The following ZNF219 variants were observed in gnomAD, a reference collection of about 807,000 sequenced individuals.
The protein encoded by ZNF219 is zinc finger protein 219.
Under a neutral mutation model 54.4 loss-of-function variants are expected in ZNF219, and 17 were observed. The observed-to-expected ratio is 0.31, with a 90% CI of 0.21 to 0.47. ZNF219 has a LOEUF of 0.47. Among genes scored for constraint, ZNF219 ranks in the 20% least tolerant of loss-of-function variants. ZNF219 has a pLI of 1.00. For missense variants in ZNF219, 1,014 were observed against 1,062.3 expected, an observed-to-expected ratio of 0.95 and a Z score of 0.63; for synonymous variants, 518 against 476.4, an observed-to-expected ratio of 1.09 and a Z score of -1.14.
upstream of ZNF219, among the ~76,000 whole-genome samples, chr14:21,099,444 ACAG>A: frequency 6.6e-6 from 1 of 152,312 alleles, no homozygotes; most frequent in South Asian, 2.1e-4. Flanking sequence ...GAGTAGACAC[ACAG>A]CAGTTTTCTG....
chr14:21,092,627 CGGA>C lies in ZNF219; in HGVS notation c.667_669del (p.Ser223del), dbSNP rs1889011106. The C allele has an allele frequency of 6.4e-7, 1 of 1,556,846 alleles. No homozygotes were observed. Among genetic ancestry groups the C allele is most frequent in the African/African-American group, 1.3e-5 (1 of 74,206 alleles). ...GGCTGAGGCTGAGGCGGAGGCGCAG[CGGA>C]GGTGGCCGCCAGGGGACGCTCGGGA... is the stretch of plus-strand genomic sequence containing the variant. On this transcript the variant is annotated inframe_deletion, in exon 3 of 5. Coordinates refer to ENST00000360947, the MANE Select transcript of ZNF219 (RefSeq NM_016423.3).
intron 3 of ZNF219, 23 bp downstream of exon 3, chr14:21,091,842 G>A (rs771838129): frequency 2.0e-6 from 3 of 1,494,968 alleles, no homozygotes; most frequent in East Asian, 2.4e-5. Context: ...GGCGTACCCG[G>A]AGAGCGGAGG....
chr14:21,103,302 C>G (rs755001481), upstream of ZNF219: 117 of 1,533,780 alleles, frequency 7.6e-5, no homozygotes, highest in Non-Finnish European at 9.5e-5. Flanking sequence ...CCACCAAACT[C>G]AGAAGCTTGC....
In ZNF219 at chr14:21,091,973, G is replaced by A. The variant is rs887716316; in HGVS notation, c.1324C>T (p.Arg442Trp). The change falls in exon 3 of 5, where the codon CGG (arginine) becomes TGG (tryptophan). Residue 442 changes from arginine (R) to tryptophan (W), a missense_variant. Physicochemically the swap from Arg to Trp is moderately radical, Grantham distance 101. Coordinates refer to ENST00000360947, the MANE Select transcript of ZNF219 (RefSeq NM_016423.3). ...GCCAGAGAGCCCAGCGACCTGCCCC[G>A]GGCCCAGGTTTCCTCCTCGGCCTCC... ...VVEAEEETWA[R>W]GRSLGSLASL... The A allele has an allele frequency of 8.3e-6, 13 of 1,575,056 alleles. No homozygotes were observed. Among genetic ancestry groups the A allele is most frequent in the Non-Finnish European group, 1.1e-5 (13 of 1,160,782 alleles).
In ZNF219 at chr14:21,094,907, CT is replaced by C. The variant is rs59112788; in HGVS notation, c.-83-1234del. On this transcript the variant is annotated intron_variant, in intron 1 of 4. Coordinates refer to ENST00000360947, the MANE Select transcript of ZNF219 (RefSeq NM_016423.3). ...AAGGCTAAATGAATGTGGGTCTAACCTTTTTTTTTTTTTTTTTTTGTCTAAG... is the reference window on the plus strand; with the variant it reads ...AAGGCTAAATGAATGTGGGTCTAACCTTTTTTTTTTTTTTTTTTGTCTAAG... 4.7e-3 allele frequency among the ~76,000 whole-genome samples: 585 copies of C among 125,094 alleles called. 4 individuals carry two copies. Among genetic ancestry groups the C allele is most frequent in the African/African-American group, 0.015 (501 of 33,342 alleles). The allele number at this position is 125,094 out of a possible 152,430, so 82.1% of individuals were successfully genotyped here.
chr14:21,092,270 C>T lies in ZNF219; in HGVS notation c.1027G>A (p.Ala343Thr), dbSNP rs138145521. Residue 343 changes from alanine to threonine, a missense_variant, in exon 3 of 5, where the codon GCC becomes ACC. Around this residue, in one of 5 missense-constraint regions of ZNF219, gnomAD observed 272 missense variants for 248.9 expected, o/e 1.09. Transcript: ENST00000360947. ...AGGCCGAGGTCAGGAGGCTGGGGGG[C>T]GCGGGCAGGCCCGGAGGCAGGCCCC... Reference protein sequence around the residue: ...APGPASGPARAPQPPDLGLLA... With the variant: ...APGPASGPARTPQPPDLGLLA... 4.0e-4 allele frequency: 586 copies of T among 1,482,118 alleles called. 8 individuals are homozygous for T. The East Asian group carries it at 0.014, about 36-fold the overall frequency. The allele number at this position is 1,482,118 out of a possible 1,614,324, so 91.8% of individuals were successfully genotyped here. A position where few individuals can be genotyped will look rare whatever the true frequency, so the allele number is the denominator to read the frequency against.
intron 1 of ZNF219, chr14:21,094,310 G>A: frequency 2.2e-6 from 1 of 451,512 alleles, no homozygotes; most frequent in South Asian, 1.6e-5. Context: ...CAGAGGGAGA[G>A]GGAATGAAGA....
In ZNF219 at chr14:21,090,495, G is replaced by T. The variant is rs759061137; in HGVS notation, c.*41C>A. ...ACTACCTCTAGCGCTCCCCCGCTCC[G>T]GCGGGGTAAGCTCACTAAGCTAATC... On this transcript the variant is annotated 3_prime_UTR_variant, in exon 5 of 5. Transcript: ENST00000360947. This position sits in a 1 kb window ranked among gnomAD's most constrained non-coding sequence, Gnocchi z 4.4. 11 of 1,541,964 alleles carry T rather than the reference G, an allele frequency of 7.1e-6. No individual in the cohort carries two copies. The highest frequency in any genetic ancestry group is 7.9e-6 in the Non-Finnish European group (9 of 1,142,294).
chr14:21,091,021 G>T lies in ZNF219; in HGVS notation c.1684C>A (p.Pro562Thr). The T allele has an allele frequency of 6.4e-7, 1 of 1,552,900 alleles. No individual in the cohort carries two copies. The highest frequency in any genetic ancestry group is 2.4e-5 in the East Asian group (1 of 41,964). Residue 562 changes from proline (P) to threonine (T), a missense_variant, in exon 5 of 5, where the codon CCG becomes ACG. Pro to Thr is a conservative substitution (Grantham distance 38). Around this residue, in one of 5 missense-constraint regions of ZNF219, gnomAD observed 281 missense variants for 271.2 expected, o/e 1.04. Transcript: ENST00000360947. ...CGCTGGGAAGGAGGCGGTGGCTCCG[G>T]GGGTGGCCCGGGGCCGGCCCCGCTC... ...QRSGAGPGPP[P>T]EPPPPSQRGS...
Position 21,092,183 on chromosome 14 carries a change from G to A in ZNF219, c.1114C>T (p.Arg372Cys), listed in dbSNP as rs1362952852. Reference sequence around the variant, plus strand: ...CCCAAGAGGCTCGGGGGCTCACGGCGCTCGGCCGGGGTGGGAGCCGGGGCC... The same window carrying A: ...CCCAAGAGGCTCGGGGGCTCACGGCACTCGGCCGGGGTGGGAGCCGGGGCC... ...LLAPAPTPAERREPPSLLGYL... is the reference protein window; with the variant it reads ...LLAPAPTPAECREPPSLLGYL... The change falls in exon 3 of 5, where the codon CGC (arginine) becomes TGC (cysteine). Residue 372 changes from arginine (R) to cysteine (C), a missense_variant. Physicochemically the swap from Arg to Cys is radical, Grantham distance 180. Transcript: ENST00000360947. 2.1e-6 allele frequency: 3 copies of A among 1,440,000 alleles called. No homozygotes were observed. The highest frequency in any genetic ancestry group is 2.6e-5 in the East Asian group (1 of 38,232). 89.2% of individuals were successfully genotyped at this position (1,440,000 alleles called of 1,614,324 possible). A position where few individuals can be genotyped will look rare whatever the true frequency, so the allele number is the denominator to read the frequency against.
In ZNF219 at chr14:21,092,760, T is replaced by C; in HGVS notation, c.537A>G (p.Glu179=). The C allele has an allele frequency of 1.9e-6, 3 of 1,581,744 alleles. No individual in the cohort carries two copies. The highest frequency in any genetic ancestry group is 2.6e-6 in the Non-Finnish European group (3 of 1,163,660). ...GCCTATGCAGGATGTGCAGGTGGCGTTCGCGCTCCGCCGAGGTGCGAAACT... is the reference window on the plus strand; with the variant it reads ...GCCTATGCAGGATGTGCAGGTGGCGCTCGCGCTCCGCCGAGGTGCGAAACT... ...KGKFRTSAER[E]RHLHILHRPW... The change falls in exon 3 of 5, where the codon GAA becomes GAG. Residue 179 remains glutamate, a synonymous_variant. Coordinates refer to ENST00000360947, the MANE Select transcript of ZNF219 (RefSeq NM_016423.3).
In ZNF219 at chr14:21,092,860, G is replaced by T; in HGVS notation, c.437C>A (p.Thr146Asn). Residue 146 changes from threonine (T) to asparagine (N), a missense_variant, in exon 3 of 5, where the codon ACC (threonine) becomes AAC (asparagine). Around this residue, in one of 5 missense-constraint regions of ZNF219, gnomAD observed 395 missense variants for 415.1 expected, o/e 0.95. Coordinates refer to ENST00000360947, the MANE Select transcript of ZNF219 (RefSeq NM_016423.3). Reference sequence around the variant, plus strand: ...CCGCGCCAGACCCTCAGTGGCAGGGGTGGCCTGCATGCCCCCTGAGCTTCG... The same window carrying T: ...CCGCGCCAGACCCTCAGTGGCAGGGTTGGCCTGCATGCCCCCTGAGCTTCG... ...RARSSGGMQA[T>N]PATEGLARPQ... 2 of 1,556,870 alleles carry T rather than the reference G, an allele frequency of 1.3e-6. No individual in the cohort carries two copies. The highest frequency in any genetic ancestry group is 1.2e-5 in the South Asian group (1 of 81,930).
Position 21,093,093 on chromosome 14 carries a change from G to C in ZNF219, c.204C>G (p.Phe68Leu). 6.2e-7 allele frequency: 1 copy of C among 1,606,996 alleles called. No homozygotes were observed. Among genetic ancestry groups the C allele is most frequent in the Non-Finnish European group, 8.5e-7 (1 of 1,178,050 alleles). Residue 68 changes from phenylalanine to leucine, a missense_variant, in exon 3 of 5, where the codon TTC becomes TTG. This residue lies in a region of ZNF219 where 395 missense variants were observed against 415.1 expected (regional missense o/e 0.95). Coordinates refer to ENST00000360947, the MANE Select transcript of ZNF219 (RefSeq NM_016423.3). ...GCAGGTGCAAAGCAAGGATAGAGTT[G>C]AAGCGGAAGCGCTTCCCGCATACAG... ...PCPVCGKRFR[F>L]NSILALHLRA...
intron 1 of ZNF219, among the ~76,000 whole-genome samples, chr14:21,097,878 C>A (rs1889367351): frequency 1.3e-5 from 2 of 152,094 alleles, no homozygotes; most frequent in South Asian, 2.1e-4. Context: ...CCTCCCCCAC[C>A]AGCCCTACCT....
upstream of ZNF219, chr14:21,103,146 C>G: frequency 6.4e-7 from 1 of 1,551,706 alleles, no homozygotes; most frequent in African/African-American, 1.4e-5. Flanking sequence ...CAGGGCTTCT[C>G]TGAGTTGGAA....
chr14:21,103,882 G>C (rs1443378599), upstream of ZNF219: 1 of 152,492 alleles, frequency 6.6e-6, no homozygotes, highest in Admixed American at 6.5e-5. Flanking sequence ...ATAGAGAGCT[G>C]GATCTGGGTC....
intron 4 of ZNF219, 119 bp from the exon 5 acceptor site, chr14:21,091,259 C>G: frequency 6.6e-7 from 1 of 1,506,356 alleles, no homozygotes; most frequent in Admixed American, 2.1e-5. Flanking sequence ...CGTCTCCCAC[C>G]CACTTTGATT....
chr14:21,092,651 C>T lies in ZNF219; in HGVS notation c.646G>A (p.Glu216Lys), dbSNP rs758657436. The T allele has an allele frequency of 7.9e-5, 123 of 1,566,134 alleles. No homozygotes were observed. The highest frequency in any genetic ancestry group is 1.0e-4 in the Non-Finnish European group (119 of 1,158,354). Residue 216 changes from glutamate (E) to lysine (K), a missense_variant, in exon 3 of 5, where the codon GAG (glutamate) becomes AAG (lysine). Coordinates refer to ENST00000360947, the MANE Select transcript of ZNF219 (RefSeq NM_016423.3). ...HHSLTAHGAP[E>K]RPLAATSAAP... is the part of the protein sequence containing the mutation. ...GCGGAGGTGGCCGCCAGGGGACGCT[C>T]GGGAGCCCCGTGGGCCGTCAGGCTG...
At chr14:21,093,871 A>T in intron 1 of ZNF219, 197 bp from the exon 2 acceptor site, 1 of 566,608 alleles carries the variant, frequency 1.8e-6, no homozygotes. Context: ...CCTCCCAGAT[A>T]ATCCAGATTT....
Sources: allele counts gnomAD v4.1 joint callset (sites outside exome capture counted in the v4.1 genomes callset), GRCh38; gene constraint gnomAD v4.1.1; regional missense constraint gnomAD v4.1.1; non-coding constraint Gnocchi (gnomAD v3.1); transcripts MANE v1.5; gene names NCBI Gene and HGNC (gene_info 2026-07-23, HGNC 2026-07-21).